HDAC9: variants seen among roughly 807,000 people sequenced by gnomAD.
HDAC9 encodes the protein MEF-2 interacting transcription repressor (MITR) protein.
HDAC9 carries 41 observed loss-of-function variants against 139.4 expected under a neutral mutation model. That is an observed-to-expected ratio of 0.29 (90% CI 0.23 to 0.38). The LOEUF is 0.38. Ranked by LOEUF, HDAC9 falls within the 10% of genes least tolerant of loss-of-function variation. HDAC9 has a pLI of 1.00. For missense variants in HDAC9, 1,147 were observed against 1,297.0 expected (o/e 0.88, Z 1.78); for synonymous variants, 517 against 476.2 (o/e 1.09, Z -1.12).
At chr7:18,648,857 C>T (rs557197483) in intron 11 of HDAC9, among the ~76,000 whole-genome samples, 174 bp downstream of exon 11, 65 of 152,266 alleles carry the variant, frequency 4.3e-4, no homozygotes, top group African/African-American at 1.5e-3. Flanking sequence ...AGTGTTTTAA[C>T]CACCATTATG....
chr7:18,422,565 T>C (rs1424790537), intron 1 of HDAC9, among the ~76,000 whole-genome samples: 2 of 152,138 alleles, frequency 1.3e-5, no homozygotes, highest in African/African-American at 4.8e-5. Flanking sequence ...GAATGAGGCA[T>C]TGATTTTATA....
chr7:18,932,155 T>C (rs1298316366), intron 22 of HDAC9, among the ~76,000 whole-genome samples: 1 of 152,158 alleles, frequency 6.6e-6, no homozygotes, highest in Non-Finnish European at 1.5e-5. Context: ...AATCTATGAA[T>C]TATGAAAAAT....
At chr7:18,584,437 G>A (rs946542707) in intron 2 of HDAC9, among the ~76,000 whole-genome samples, 2 of 151,932 alleles carry the variant, frequency 1.3e-5, no homozygotes, top group South Asian at 2.1e-4. Context: ...CCTGAAAGCA[G>A]CATTCTTATC....
chr7:18,915,647 TA>T (rs11308716), intron 22 of HDAC9, among the ~76,000 whole-genome samples: 117,253 of 146,688 alleles, frequency 0.8, 46,875 homozygotes, highest in Admixed American at 0.84. Flanking sequence ...CTGCCATTGT[TA>T]AAAAAAAAAA....
At chr7:18,813,421 C>G (rs140063239) in intron 17 of HDAC9, among the ~76,000 whole-genome samples, 1 of 151,264 alleles carries the variant, frequency 6.6e-6, no homozygotes, top group Non-Finnish European at 1.5e-5. Flanking sequence ...GTGTGGATCT[C>G]CAAAACAGAT....
chr7:18,373,719 T>A (rs970750747), intron 1 of HDAC9, among the ~76,000 whole-genome samples: 1 of 152,152 alleles, frequency 6.6e-6, no homozygotes, highest in Non-Finnish European at 1.5e-5. Context: ...AAACTTAAAC[T>A]CTTCAGGTAA....
At chr7:18,283,715 A>T (rs976361849) in intron 2 of HDAC9, among the ~76,000 whole-genome samples, 4 of 152,232 alleles carry the variant, frequency 2.6e-5, no homozygotes, top group African/African-American at 9.6e-5. Flanking sequence ...ATAATTCCAT[A>T]TAGTTACTGA....
intron 1 of HDAC9, among the ~76,000 whole-genome samples, chr7:18,446,290 T>C (rs11977093): frequency 0.057 from 8,685 of 152,268 alleles, 430 homozygotes; most frequent in African/African-American, 0.13. Flanking sequence ...TTCATGGTTT[T>C]CTAGGTTGGT....
At chr7:18,576,945 A>AAGAG (rs142999008) in intron 2 of HDAC9, among the ~76,000 whole-genome samples, 3 of 151,332 alleles carry the variant, frequency 2.0e-5, no homozygotes, top group Non-Finnish European at 3.0e-5. Context: ...GAGAGAGAAA[A>AAGAG]AGAGAGAGAG....
intron 17 of HDAC9, among the ~76,000 whole-genome samples, chr7:18,799,205 T>C (rs546807873): frequency 2.6e-5 from 4 of 152,098 alleles, no homozygotes; most frequent in African/African-American, 7.2e-5. Context: ...TTCAGTAGCA[T>C]ATAAAACATA....
intron 2 of HDAC9, among the ~76,000 whole-genome samples, chr7:18,547,235 ACTTT>A (rs1405847518): frequency 6.6e-6 from 1 of 151,732 alleles, no homozygotes; most frequent in African/African-American, 2.4e-5. Flanking sequence ...TGACTCTGAC[ACTTT>A]CTTTTTTTTT....
At chr7:18,506,848 G>A (rs1445367366) in intron 2 of HDAC9, among the ~76,000 whole-genome samples, 3 of 152,056 alleles carry the variant, frequency 2.0e-5, no homozygotes, top group Non-Finnish European at 4.4e-5. Flanking sequence ...AGAAAAGTAA[G>A]TGTAAGCCTC....
chr7:18,527,777 A>G (rs968822855), intron 2 of HDAC9, among the ~76,000 whole-genome samples: 18 of 152,096 alleles, frequency 1.2e-4, no homozygotes, highest in African/African-American at 3.9e-4. Context: ...TCTAGTTTCA[A>G]ATCTACCAGA....
At chr7:18,134,372 A>G (rs1390085674) in intron 1 of HDAC9, among the ~76,000 whole-genome samples, 1 of 152,162 alleles carries the variant, frequency 6.6e-6, no homozygotes, top group Non-Finnish European at 1.5e-5. Flanking sequence ...TTGGATGACC[A>G]TATAAATTCC....
intron 1 of HDAC9, among the ~76,000 whole-genome samples, chr7:18,388,932 A>G (rs1786200741): frequency 6.6e-6 from 1 of 152,110 alleles, no homozygotes; most frequent in Admixed American, 6.5e-5. Flanking sequence ...ATTTCTAGTT[A>G]ATTTTTGTCT....
intron 24 of HDAC9, among the ~76,000 whole-genome samples, chr7:18,966,853 AATT>A (rs151013802): frequency 0.023 from 3,523 of 152,306 alleles, 127 homozygotes; most frequent in African/African-American, 0.081. Context: ...AGATTTTGTC[AATT>A]ATTATACATT....
At chr7:18,568,531 C>T (rs1298079479) in intron 2 of HDAC9, among the ~76,000 whole-genome samples, 7 of 152,112 alleles carry the variant, frequency 4.6e-5, no homozygotes, top group African/African-American at 7.2e-5. Context: ...CAGTTGACTG[C>T]GTATTGTGAA....
chr7:18,424,043 A>G (rs1043644461), intron 1 of HDAC9, among the ~76,000 whole-genome samples: 1 of 152,330 alleles, frequency 6.6e-6, no homozygotes, highest in Non-Finnish European at 1.5e-5. Context: ...TCACCTATAA[A>G]TATGCAGTAA....
intron 1 of HDAC9, among the ~76,000 whole-genome samples, chr7:18,109,738 G>A (rs1195009892): frequency 6.6e-6 from 1 of 151,952 alleles, no homozygotes; most frequent in Non-Finnish European, 1.5e-5. Flanking sequence ...CATGTGGTGC[G>A]CCAACCAAGT....
Sources: gnomAD v4.1 joint callset for allele counts (sites outside exome capture counted in the v4.1 genomes callset) on GRCh38, gnomAD v4.1.1 for gene constraint, MANE v1.5 for transcripts, NCBI Gene and HGNC (gene_info 2026-07-23, HGNC 2026-07-21) for gene names.